APBB2: variants seen among roughly 807,000 people sequenced by gnomAD.
The protein encoded by APBB2 is amyloid beta precursor protein binding family B member 2.
A neutral mutation model predicts 82.5 loss-of-function variants in APBB2; 38 were observed. The observed-to-expected ratio is 0.46, with a 90% CI of 0.36 to 0.60. APBB2 has a LOEUF of 0.60. Among genes scored for constraint, APBB2 ranks in the 20% least tolerant of loss-of-function variants. The pLI, the probability that APBB2 is intolerant of heterozygous loss-of-function variation, is 0.00. For synonymous variants in APBB2, 341 were observed against 368.2 expected (o/e 0.93, Z 0.85); for missense variants, 772 against 972.3 (o/e 0.79, Z 2.74).
intron 1 of APBB2, among the ~76,000 whole-genome samples, chr4:41,181,802 C>G (rs542496063): frequency 2.0e-5 from 3 of 151,780 alleles, no homozygotes; most frequent in African/African-American, 4.8e-5. Context: ...AAAATTAGCC[C>G]GGCATGGTGG....
At chr4:40,820,227 A>G (rs944215356) in intron 17 of APBB2, among the ~76,000 whole-genome samples, 2 of 152,108 alleles carry the variant, frequency 1.3e-5, no homozygotes, top group African/African-American at 4.8e-5. Context: ...GTTTGTTCCC[A>G]ACGCTGCTCT....
chr4:41,078,337 G>A (rs1039099667), intron 3 of APBB2, among the ~76,000 whole-genome samples: 4 of 152,102 alleles, frequency 2.6e-5, no homozygotes, highest in Non-Finnish European at 5.9e-5. Context: ...GCAAATCCGT[G>A]GGCAAGAATT....
chr4:40,950,755 A>C (rs1789917629), intron 6 of APBB2, among the ~76,000 whole-genome samples: 1 of 152,128 alleles, frequency 6.6e-6, no homozygotes, highest in African/African-American at 2.4e-5. Flanking sequence ...AGGCAGGAGA[A>C]TCACTTGAAC....
intron 6 of APBB2, among the ~76,000 whole-genome samples, chr4:40,948,618 G>A (rs148694049): frequency 3.7e-4 from 57 of 152,044 alleles, no homozygotes; most frequent in African/African-American, 1.2e-3. Flanking sequence ...AAATTAGCCA[G>A]GTGTTGTGGT....
intron 7 of APBB2, among the ~76,000 whole-genome samples, chr4:40,941,285 A>C (rs1786845319): frequency 6.6e-6 from 1 of 152,194 alleles, no homozygotes; most frequent in Non-Finnish European, 1.5e-5. Flanking sequence ...CTATTTAGGA[A>C]CCAAAGAAAT....
intron 6 of APBB2, among the ~76,000 whole-genome samples, chr4:40,954,642 G>A (rs1433812141): frequency 6.6e-6 from 1 of 152,096 alleles, no homozygotes; most frequent in African/African-American, 2.4e-5. Flanking sequence ...AGAACCACTG[G>A]CCTAGGAAAA....
chr4:40,880,118 G>A, intron 12 of APBB2: 1 of 985,412 alleles, frequency 1.0e-6, no homozygotes, highest in Non-Finnish European at 1.2e-6. Flanking sequence ...ATGATCTCCA[G>A]TGCGGATGGA....
chr4:41,062,554 G>A (rs1022392427), intron 4 of APBB2, among the ~76,000 whole-genome samples: 1 of 152,118 alleles, frequency 6.6e-6, no homozygotes, highest in African/African-American at 2.4e-5. Context: ...ATAAGTAACA[G>A]TGTTCATGCC....
chr4:40,866,774 G>T (rs1183905418), intron 12 of APBB2, among the ~76,000 whole-genome samples: 1 of 152,126 alleles, frequency 6.6e-6, no homozygotes, highest in Non-Finnish European at 1.5e-5. Flanking sequence ...CTGGAGTGCA[G>T]TGGTACGATC....
chr4:41,027,361 TTACATA>T (rs1714751225), intron 5 of APBB2, among the ~76,000 whole-genome samples: 1 of 76,468 alleles, frequency 1.3e-5, no homozygotes, highest in Non-Finnish European at 2.6e-5. Context: ...AAACATATTG[TTACATA>T]TATATATATA....
intron 4 of APBB2, among the ~76,000 whole-genome samples, chr4:41,048,498 C>T (rs867187981): frequency 2.0e-5 from 3 of 152,276 alleles, no homozygotes; most frequent in Middle Eastern, 3.4e-3. Context: ...TTATTATCCT[C>T]ATTTTATAGA....
chr4:40,979,331 C>A (rs1797932635), intron 6 of APBB2, among the ~76,000 whole-genome samples: 1 of 152,204 alleles, frequency 6.6e-6, no homozygotes, highest in Non-Finnish European at 1.5e-5. Flanking sequence ...AAGATTCCTG[C>A]ATCCTGATGC....
chr4:41,077,766 G>C (rs1187480449), intron 3 of APBB2, among the ~76,000 whole-genome samples: 1 of 152,174 alleles, frequency 6.6e-6, no homozygotes, highest in Admixed American at 6.5e-5. Flanking sequence ...AACCAAAAGA[G>C]ATGGCATCCA....
At chr4:40,850,075 T>C (rs931987599) in intron 12 of APBB2, among the ~76,000 whole-genome samples, 1 of 152,208 alleles carries the variant, frequency 6.6e-6, no homozygotes, top group African/African-American at 2.4e-5. Flanking sequence ...GCATCATTTT[T>C]CCTTTTTTGT....
Position 40,881,400 on chromosome 4 carries a change from C to T in APBB2, c.1529+8964G>A, listed in dbSNP as rs1768466862. On this transcript the variant is annotated intron_variant, in intron 12 of 17. Coordinates refer to ENST00000508593, the MANE Select transcript of APBB2 (RefSeq NM_004307.2). Reference sequence around the variant, plus strand: ...AAACTCTACTTCTTCCAGACTGAGACCCCACCTAATCACTCCTAGGGAAAA... The same window carrying T: ...AAACTCTACTTCTTCCAGACTGAGATCCCACCTAATCACTCCTAGGGAAAA... 5.1e-6 allele frequency: 5 copies of T among 984,624 alleles called. No individual in the cohort carries two copies. In the Admixed American group the frequency reaches 1.8e-4, roughly 36 times the overall value. The allele number at this position is 984,624 out of a possible 1,614,324, so 61.0% of individuals were successfully genotyped here.
chr4:41,038,057 A>C (rs1202732343), intron 4 of APBB2, among the ~76,000 whole-genome samples: 1 of 152,142 alleles, frequency 6.6e-6, no homozygotes, highest in Non-Finnish European at 1.5e-5. Context: ...TCTAGCAACA[A>C]TAGTTTCCTT....
chr4:41,195,765 C>T, intron 1 of APBB2, among the ~76,000 whole-genome samples: 1 of 152,124 alleles, frequency 6.6e-6, no homozygotes, highest in Non-Finnish European at 1.5e-5. Flanking sequence ...TGATCCCATT[C>T]CCACCCTGCT....
At position 41,127,028 on chromosome 4, in the gene APBB2, T is replaced by C. The variant is rs1754601082; in HGVS notation, c.-261+15959A>G. On this transcript the variant is annotated intron_variant, in intron 2 of 17. Coordinates refer to ENST00000508593, the MANE Select transcript of APBB2 (RefSeq NM_004307.2). This position sits in a 1 kb window ranked among gnomAD's most constrained non-coding sequence, Gnocchi z 4.8. ...GAATCACTAACATGGCAAGGTTCTA[T>C]TTCCATTTATTCTTACCAGTGCCAT... Among the ~76,000 whole-genome samples the C allele has an allele frequency of 1.3e-5, 2 of 152,194 alleles. No individual in the cohort carries two copies. The highest frequency in any genetic ancestry group is 4.8e-5 in the African/African-American group (2 of 41,460).
Position 41,034,296 on chromosome 4 carries a change from A to T in APBB2, c.-50-992T>A, listed in dbSNP as rs114302654. On this transcript the variant is annotated intron_variant, in intron 4 of 17. Coordinates refer to ENST00000508593, the MANE Select transcript of APBB2 (RefSeq NM_004307.2). Reference sequence around the variant, plus strand: ...GCTGCCCTTAGGAAAAATGAAGTGGATCTACAAGAGCCTATATAAAAGGGG... The same window carrying T: ...GCTGCCCTTAGGAAAAATGAAGTGGTTCTACAAGAGCCTATATAAAAGGGG... 6.2e-3 allele frequency among the ~76,000 whole-genome samples: 948 copies of T among 152,180 alleles called. 13 individuals are homozygous for T. Among genetic ancestry groups the T allele is most frequent in the African/African-American group, 0.02 (840 of 41,496 alleles).
Sources: allele counts gnomAD v4.1 joint callset (sites outside exome capture counted in the v4.1 genomes callset), GRCh38; gene constraint gnomAD v4.1.1; non-coding constraint Gnocchi (gnomAD v3.1); transcripts MANE v1.5; gene names NCBI Gene and HGNC (gene_info 2026-07-23, HGNC 2026-07-21).